MBOAT2: variants seen among roughly 807,000 people sequenced by gnomAD.
The protein encoded by MBOAT2 is membrane bound glycerophospholipid O-acyltransferase 2.
MBOAT2 carries 28 observed loss-of-function variants against 63.4 expected under a neutral mutation model. The observed-to-expected ratio is 0.44, with a 90% CI of 0.33 to 0.61. The LOEUF (loss-of-function observed/expected upper bound fraction) is 0.61, where lower values mean the gene tolerates loss of function less well. Among genes scored for constraint, MBOAT2 ranks in the 20% least tolerant of loss-of-function variants. The probability of loss-of-function intolerance (pLI) is 0.03; values close to 1 mark genes in which losing one functional copy is unlikely to be tolerated. For missense variants in MBOAT2, 470 were observed against 605.8 expected (o/e 0.78, Z 2.35); for synonymous variants, 211 against 215.6 (o/e 0.98, Z 0.19).
chr2:8,937,432 T>C (rs536525428), intron 3 of MBOAT2, among the ~76,000 whole-genome samples: 1 of 152,292 alleles, frequency 6.6e-6, no homozygotes, highest in African/African-American at 2.4e-5. Context: ...TCACAGAATT[T>C]GCAGTCAATG....
In MBOAT2 at chr2:8,993,839, C is replaced by G. The variant is rs116213856; in HGVS notation, c.75+9701G>C. Among the ~76,000 whole-genome samples, 342 of 152,296 alleles carry G rather than the reference C, an allele frequency of 2.2e-3. 1 individual carries two copies. The highest frequency in any genetic ancestry group is 7.7e-3 in the African/African-American group (322 of 41,560). The stretch of plus-strand genomic sequence containing the variant: ...TGCAAAATGGATGACAGAGAACACT[C>G]TCCTAGGCTCTGAAGAAAGTAAAGC... On this transcript the variant is annotated intron_variant, in intron 1 of 12. Transcript: ENST00000305997.
At chr2:8,911,931 T>TATA (rs1665737031) in intron 3 of MBOAT2, among the ~76,000 whole-genome samples, 1 of 152,094 alleles carries the variant, frequency 6.6e-6, no homozygotes, top group African/African-American at 2.4e-5. Context: ...CTAGACTTAA[T>TATA]AATTTATTTT....
intron 4 of MBOAT2, among the ~76,000 whole-genome samples, chr2:8,893,108 A>AGGGGGGGGGGGGG (rs1435866960): frequency 5.9e-5 from 1 of 17,084 alleles, no homozygotes; most frequent in Non-Finnish European, 1.1e-4. Flanking sequence ...GGGAGGAGGC[A>AGGGGGGGGGGGGG]GGGGAGGTGG....
At chr2:8,885,482 T>C (rs1013429461) in intron 5 of MBOAT2, among the ~76,000 whole-genome samples, 17 of 152,306 alleles carry the variant, frequency 1.1e-4, no homozygotes, top group African/African-American at 4.1e-4. Flanking sequence ...TTCTCAAGTA[T>C]TTCATATACG....
intron 1 of MBOAT2, among the ~76,000 whole-genome samples, chr2:8,964,801 T>C (rs1669873807): frequency 6.6e-6 from 1 of 152,222 alleles, no homozygotes; most frequent in Non-Finnish European, 1.5e-5. Flanking sequence ...AAAACATTAT[T>C]TCTCTATTTT....
chr2:8,991,844 C>T (rs1036969720), intron 1 of MBOAT2, among the ~76,000 whole-genome samples: 2 of 152,180 alleles, frequency 1.3e-5, no homozygotes, highest in Admixed American at 6.5e-5. Context: ...CAGCACCAAG[C>T]GAACATTCCT....
At chr2:8,978,056 T>C (rs566610224) in intron 1 of MBOAT2, among the ~76,000 whole-genome samples, 1 of 152,202 alleles carries the variant, frequency 6.6e-6, no homozygotes, top group South Asian at 2.1e-4. Flanking sequence ...GCCACAGACA[T>C]GAGGCCACCA....
intron 1 of MBOAT2, among the ~76,000 whole-genome samples, chr2:8,984,995 C>A (rs1184787902): frequency 6.6e-6 from 1 of 152,148 alleles, no homozygotes; most frequent in African/African-American, 2.4e-5. Flanking sequence ...ACACAGAATG[C>A]AGCTTGTTCA....
In MBOAT2 at chr2:8,926,583, T is replaced by C. The variant is rs762062977; in HGVS notation, c.299+16604A>G. On this transcript the variant is annotated intron_variant, in intron 3 of 12. Transcript: ENST00000305997. ...GTGCACTACTACAAACGGTTCATTATGGCCGGGCCTGGCTCAGTCGAGGAG... is the reference window on the plus strand; with the variant it reads ...GTGCACTACTACAAACGGTTCATTACGGCCGGGCCTGGCTCAGTCGAGGAG... Among the ~76,000 whole-genome samples the C allele has an allele frequency of 3.3e-5, 5 of 152,180 alleles. No individual in the cohort carries two copies. In the South Asian group the frequency reaches 6.2e-4, roughly 19 times the overall value.
In MBOAT2 at chr2:8,877,027, T is replaced by TA; in HGVS notation, c.690+2dup. On this transcript the variant is annotated splice_region_variant and intron_variant, in intron 7 of 12. Coordinates refer to ENST00000305997, the MANE Select transcript of MBOAT2 (RefSeq NM_138799.4). ...AGGCTCCAGATAAATCTCATGACCT[T>TA]ACATTTGGAGATGGCTCTGTTCTTT... is the stretch of plus-strand genomic sequence containing the variant. The TA allele has an allele frequency of 6.2e-7, 1 of 1,604,898 alleles. No homozygotes were observed. The highest frequency in any genetic ancestry group is 8.5e-7 in the Non-Finnish European group (1 of 1,176,596).
At position 8,864,818 on chromosome 2, in the gene MBOAT2, C is replaced by T. The variant is rs80272317; in HGVS notation, c.988-584G>A. ...AGCTATTCTTTGATCTCAGAGGGGGCCTTTCATCTCCCACCCTGTCTACTT... is the reference window on the plus strand; with the variant it reads ...AGCTATTCTTTGATCTCAGAGGGGGTCTTTCATCTCCCACCCTGTCTACTT... On this transcript the variant is annotated intron_variant, in intron 9 of 12. Coordinates refer to ENST00000305997, the MANE Select transcript of MBOAT2 (RefSeq NM_138799.4). 6.6e-3 allele frequency among the ~76,000 whole-genome samples: 1,012 copies of T among 152,260 alleles called. 10 individuals are homozygous for T. The highest frequency in any genetic ancestry group is 0.024 in the Middle Eastern group (7 of 294).
At chr2:8,946,756 T>C (rs561404565) in intron 2 of MBOAT2, among the ~76,000 whole-genome samples, 1 of 152,354 alleles carries the variant, frequency 6.6e-6, no homozygotes, top group African/African-American at 2.4e-5. Flanking sequence ...ACATAAGAAC[T>C]TAATTGATAA....
rs1016253795 is a variant in MBOAT2 at position 9,003,421 on chromosome 2, G to A, written c.75+119C>T. The A allele has an allele frequency of 3.6e-5, 17 of 470,894 alleles. No homozygotes were observed. The highest frequency in any genetic ancestry group is 4.6e-5 in the Non-Finnish European group (15 of 325,968). The allele number at this position is 470,894 out of a possible 1,614,324, so 29.2% of individuals were successfully genotyped here. A position where few individuals can be genotyped will look rare whatever the true frequency, so the allele number is the denominator to read the frequency against. On this transcript the variant is annotated intron_variant, in intron 1 of 12. Coordinates refer to ENST00000305997, the MANE Select transcript of MBOAT2 (RefSeq NM_138799.4). This position sits in a 1 kb window ranked among gnomAD's most constrained non-coding sequence, Gnocchi z 5.4. ...CTCCCTTCCAGGGAGCGGCGGGTAG[G>A]GGGGCACCGGGCGCCCGGCCCCAGC... is the stretch of plus-strand genomic sequence containing the variant.
At chr2:8,923,713 G>A (rs1267254370) in intron 3 of MBOAT2, among the ~76,000 whole-genome samples, 1 of 152,174 alleles carries the variant, frequency 6.6e-6, no homozygotes, top group African/African-American at 2.4e-5. Context: ...GGTAACTCCA[G>A]GCAAGAATAC....
chr2:8,998,837 C>T (rs1292849505), intron 1 of MBOAT2, among the ~76,000 whole-genome samples: 1 of 152,110 alleles, frequency 6.6e-6, no homozygotes, highest in Non-Finnish European at 1.5e-5. Flanking sequence ...AAAATATTTG[C>T]CACATATTAT....
At chr2:8,939,309 C>T (rs1667885668) in intron 3 of MBOAT2, among the ~76,000 whole-genome samples, 1 of 152,158 alleles carries the variant, frequency 6.6e-6, no homozygotes, top group Admixed American at 6.5e-5. Context: ...ACAGCTGAAC[C>T]CGATGGAGGT....
intron 3 of MBOAT2, among the ~76,000 whole-genome samples, chr2:8,909,472 G>T (rs906091665): frequency 6.6e-6 from 1 of 151,958 alleles, no homozygotes; most frequent in African/African-American, 2.4e-5. Context: ...AAATATACAA[G>T]TACAACAAAT....
chr2:8,944,966 A>G (rs1209352174), intron 2 of MBOAT2, among the ~76,000 whole-genome samples: 3 of 152,096 alleles, frequency 2.0e-5, no homozygotes, highest in Non-Finnish European at 2.9e-5. Flanking sequence ...CGGAAAACAC[A>G]TTTTTGAGGA....
intron 2 of MBOAT2, among the ~76,000 whole-genome samples, chr2:8,944,511 A>G (rs753928741): frequency 6.6e-6 from 1 of 152,198 alleles, no homozygotes; most frequent in African/African-American, 2.4e-5. Flanking sequence ...GGCACCTCCA[A>G]TGTGGAAAAG....
Sources: gnomAD v4.1 joint callset for allele counts (sites outside exome capture counted in the v4.1 genomes callset) on GRCh38, gnomAD v4.1.1 for gene constraint, Gnocchi (gnomAD v3.1) non-coding constraint, MANE v1.5 for transcripts, NCBI Gene and HGNC (gene_info 2026-07-23, HGNC 2026-07-21) for gene names.